The following SORCS1 variants were observed in gnomAD, a reference collection of about 807,000 sequenced individuals.
SORCS1 encodes the protein VPS10 domain-containing receptor SorCS1.
In SORCS1, 60 loss-of-function variants were observed where a neutral mutation model predicts 146.1. The observed-to-expected ratio is 0.41, with a 90% confidence interval of 0.33 to 0.51. The LOEUF (loss-of-function observed/expected upper bound fraction) is 0.51, where lower values mean the gene tolerates loss of function less well. SORCS1 is among the 20% of genes least tolerant of loss of function. The probability of loss-of-function intolerance (pLI) is 0.21; values close to 1 mark genes in which losing one functional copy is unlikely to be tolerated. For synonymous variants in SORCS1, 637 were observed against 584.0 expected (o/e 1.09, Z -1.31); for missense variants, 1,352 against 1,487.6 (o/e 0.91, Z 1.50).
At chr10:107,065,936 C>T (rs1439119945) in intron 1 of SORCS1, among the ~76,000 whole-genome samples, 7 of 152,180 alleles carry the variant, frequency 4.6e-5, no homozygotes, top group Admixed American at 3.9e-4. Flanking sequence ...CAGTGAGTAG[C>T]AGAGACAGGA....
intron 1 of SORCS1, among the ~76,000 whole-genome samples, chr10:107,117,510 G>A (rs1008991388): frequency 6.6e-6 from 1 of 152,150 alleles, no homozygotes; most frequent in African/African-American, 2.4e-5. Flanking sequence ...CCAGGAAAGC[G>A]CTGGGGGTGA....
At chr10:107,072,681 G>A (rs928353794) in intron 1 of SORCS1, among the ~76,000 whole-genome samples, 7 of 150,084 alleles carry the variant, frequency 4.7e-5, no homozygotes, top group South Asian at 2.1e-4. Flanking sequence ...CATTATTTGC[G>A]TTAACTCTAG....
chr10:106,935,542 T>G (rs1189048749), intron 2 of SORCS1, among the ~76,000 whole-genome samples: 2 of 152,200 alleles, frequency 1.3e-5, no homozygotes, highest in Non-Finnish European at 2.9e-5. Context: ...ACAGCAATGT[T>G]TTATCATTAG....
intron 1 of SORCS1, among the ~76,000 whole-genome samples, chr10:107,146,179 C>A (rs1375722040): frequency 6.6e-6 from 1 of 152,128 alleles, no homozygotes; most frequent in Non-Finnish European, 1.5e-5. Context: ...ACATGTGTGT[C>A]TGTATAAATG....
intron 8 of SORCS1, among the ~76,000 whole-genome samples, chr10:106,705,828 G>GT (rs1406555211): frequency 2.6e-5 from 4 of 152,216 alleles, no homozygotes; most frequent in Non-Finnish European, 5.9e-5. Context: ...GATGTCAACA[G>GT]TTGAGGGTCT....
chr10:107,133,743 G>C (rs951580362), intron 1 of SORCS1, among the ~76,000 whole-genome samples: 9 of 152,168 alleles, frequency 5.9e-5, no homozygotes, highest in African/African-American at 2.2e-4. Context: ...GGAGACAACT[G>C]TTGCAGTTTT....
intron 24 of SORCS1, among the ~76,000 whole-genome samples, chr10:106,583,759 T>C (rs1845060528): frequency 6.6e-6 from 1 of 152,044 alleles, no homozygotes; most frequent in Non-Finnish European, 1.5e-5. Context: ...TCCACCCGCC[T>C]TGACCTCCCA....
At chr10:106,964,951 T>G (rs1955432117) in intron 1 of SORCS1, among the ~76,000 whole-genome samples, 1 of 150,572 alleles carries the variant, frequency 6.6e-6, no homozygotes, top group Admixed American at 6.7e-5. Context: ...CCACCAGATC[T>G]AGTAGAATGC....
intron 2 of SORCS1, among the ~76,000 whole-genome samples, chr10:106,896,138 A>G (rs1161751955): frequency 6.6e-6 from 1 of 152,176 alleles, no homozygotes; most frequent in East Asian, 1.9e-4. Flanking sequence ...CATAGAAATG[A>G]AAAGTAGAGG....
chr10:106,944,799 A>C (rs1344906382), intron 2 of SORCS1, among the ~76,000 whole-genome samples: 1 of 150,864 alleles, frequency 6.6e-6, no homozygotes, highest in Non-Finnish European at 1.5e-5. Context: ...GAATAAAATC[A>C]TTCTAGATCA....
chr10:107,134,416 A>T (rs925184449), intron 1 of SORCS1, among the ~76,000 whole-genome samples: 1 of 152,172 alleles, frequency 6.6e-6, no homozygotes, highest in African/African-American at 2.4e-5. Context: ...AGGCGGATGG[A>T]TCACGAGGTC....
intron 6 of SORCS1, among the ~76,000 whole-genome samples, chr10:106,715,840 C>T (rs990227302): frequency 1.3e-5 from 2 of 152,132 alleles, no homozygotes; most frequent in African/African-American, 4.8e-5. Context: ...GTCACTGCAA[C>T]CTCCCGAGTT....
chr10:106,620,267 A>AAC lies in SORCS1; in HGVS notation c.2796+159_2796+160dup, dbSNP rs866644264. ...AGGGGCCAGAGAGAGAGAGAGAGAGAACATAATGATGAGATACTTGAGCAC... is the reference window on the plus strand; with the variant it reads ...AGGGGCCAGAGAGAGAGAGAGAGAGAACACATAATGATGAGATACTTGAGCAC... On this transcript the variant is annotated intron_variant, in intron 20 of 25. Transcript: ENST00000263054. 4 of 769,524 alleles carry AAC rather than the reference A, an allele frequency of 5.2e-6. No individual in the cohort carries two copies. The African/African-American group carries it at 7.1e-5, about 14-fold the overall frequency. 47.7% of individuals were successfully genotyped at this position (769,524 alleles called of 1,614,324 possible).
At chr10:107,087,665 C>A (rs1963862307) in intron 1 of SORCS1, among the ~76,000 whole-genome samples, 1 of 152,204 alleles carries the variant, frequency 6.6e-6, no homozygotes, top group South Asian at 2.1e-4. Context: ...ACAAGATTAA[C>A]TGGAAAGTTT....
intron 1 of SORCS1, among the ~76,000 whole-genome samples, chr10:106,957,437 G>T (rs1361910702): frequency 6.6e-6 from 1 of 152,078 alleles, no homozygotes; most frequent in Non-Finnish European, 1.5e-5. Context: ...CTCTCAAAGT[G>T]CTGGGATTAC....
chr10:106,896,303 C>A (rs1184643538), intron 2 of SORCS1, among the ~76,000 whole-genome samples: 2 of 151,816 alleles, frequency 1.3e-5, no homozygotes, highest in Non-Finnish European at 2.9e-5. Context: ...GTGGCAGATG[C>A]CTGTGATCCT....
chr10:106,826,924 C>T (rs1948331425), intron 3 of SORCS1, among the ~76,000 whole-genome samples: 1 of 152,184 alleles, frequency 6.6e-6, no homozygotes, highest in Non-Finnish European at 1.5e-5. Context: ...GTCTTAAGAA[C>T]AGTAAAATGC....
chr10:106,935,253 G>T (rs1220075448), intron 2 of SORCS1, among the ~76,000 whole-genome samples: 1 of 152,036 alleles, frequency 6.6e-6, no homozygotes, highest in Non-Finnish European at 1.5e-5. Context: ...TGCCTAGAGG[G>T]TCCTTAAAAT....
intron 1 of SORCS1, among the ~76,000 whole-genome samples, chr10:107,014,797 CT>C (rs1667647969): frequency 6.6e-6 from 1 of 152,142 alleles, no homozygotes; most frequent in Admixed American, 6.6e-5. Context: ...TTAAATTTAC[CT>C]TTTCACCACA....
Sources: allele counts gnomAD v4.1 joint callset (sites outside exome capture counted in the v4.1 genomes callset), GRCh38; gene constraint gnomAD v4.1.1; transcripts MANE v1.5; gene names NCBI Gene and HGNC (gene_info 2026-07-23, HGNC 2026-07-21).